Variants in AKAP6 observed in about 807,000 individuals in gnomAD.
AKAP6 encodes A-kinase anchor protein 6.
AKAP6 carries 58 observed loss-of-function variants against 188.5 expected under a neutral mutation model. That is an observed-to-expected ratio of 0.31 (90% CI 0.25 to 0.38). The LOEUF is 0.38. Among genes scored for constraint, AKAP6 ranks in the 10% least tolerant of loss-of-function variants. The pLI, the probability that AKAP6 is intolerant of heterozygous loss-of-function variation, is 1.00. For missense variants in AKAP6, 2,710 were observed against 2,740.0 expected, an observed-to-expected ratio of 0.99 and a Z score of 0.24; for synonymous variants, 989 against 998.6, an observed-to-expected ratio of 0.99 and a Z score of 0.18.
intron 1 of AKAP6, among the ~76,000 whole-genome samples, chr14:32,411,695 G>C (rs1258210713): frequency 1.3e-5 from 2 of 151,760 alleles, no homozygotes; most frequent in African/African-American, 4.8e-5. Flanking sequence ...CCCACTGCCA[G>C]TTTAGGATTT....
At chr14:32,400,790 G>C (rs1889064259) in intron 1 of AKAP6, among the ~76,000 whole-genome samples, 1 of 152,092 alleles carries the variant, frequency 6.6e-6, no homozygotes, top group Non-Finnish European at 1.5e-5. Flanking sequence ...AGATTGCTCT[G>C]CTGCTGTGCT....
chr14:32,563,188 T>G (rs1024354871), intron 4 of AKAP6, among the ~76,000 whole-genome samples: 1 of 152,180 alleles, frequency 6.6e-6, no homozygotes, highest in Admixed American at 6.5e-5. Context: ...GGGCATTCTT[T>G]GGTGCTGGAT....
At chr14:32,598,758 C>T (rs1885805207) in intron 5 of AKAP6, among the ~76,000 whole-genome samples, 1 of 152,114 alleles carries the variant, frequency 6.6e-6, no homozygotes, top group Admixed American at 6.6e-5. Context: ...TAGATTTCAA[C>T]TATGACAGCA....
At chr14:32,542,375 G>A (rs756383549) in intron 3 of AKAP6, among the ~76,000 whole-genome samples, 1 of 152,148 alleles carries the variant, frequency 6.6e-6, no homozygotes, top group African/African-American at 2.4e-5. Flanking sequence ...TATGTGCTAC[G>A]AGTACCCTGG....
intron 12 of AKAP6, among the ~76,000 whole-genome samples, chr14:32,806,141 A>C (rs1385211575): frequency 2.6e-5 from 4 of 152,236 alleles, no homozygotes; most frequent in Non-Finnish European, 5.9e-5. Flanking sequence ...AGTGCCTGCC[A>C]TATGCTCAGC....
intron 1 of AKAP6, among the ~76,000 whole-genome samples, chr14:32,337,341 T>C (rs1886736870): frequency 6.6e-6 from 1 of 152,150 alleles, no homozygotes; most frequent in Admixed American, 6.6e-5. Flanking sequence ...TCTTCAGGCT[T>C]GGCTAGTAGG....
At chr14:32,629,611 G>T (rs1887171466) in intron 7 of AKAP6, among the ~76,000 whole-genome samples, 1 of 151,528 alleles carries the variant, frequency 6.6e-6, no homozygotes. Context: ...CCTAAGCTTT[G>T]TTGCTAGTAA....
At chr14:32,815,792 C>G (rs947881471) in intron 12 of AKAP6, among the ~76,000 whole-genome samples, 1 of 152,174 alleles carries the variant, frequency 6.6e-6, no homozygotes, top group African/African-American at 2.4e-5. Context: ...ACCGGGCTCT[C>G]CCCTAGGACT....
chr14:32,709,555 G>A (rs1890955764), intron 9 of AKAP6, among the ~76,000 whole-genome samples: 1 of 152,032 alleles, frequency 6.6e-6, no homozygotes, highest in Admixed American at 6.6e-5. Flanking sequence ...TTTCAGTGGT[G>A]TTCCAGGACT....
rs773890811 is a variant in AKAP6 at position 32,546,059 on chromosome 14, A to G, written c.1406A>G (p.Asn469Ser). Residue 469 changes from asparagine (N) to serine (S), a missense_variant, in exon 4 of 14, where the codon AAC becomes AGC. Asn to Ser is a conservative substitution (Grantham distance 46, BLOSUM62 1). This residue lies in a region of AKAP6 where 2,473 missense variants were observed against 2,426.1 expected (regional missense o/e 1.02). Transcript: ENST00000280979. The part of the protein sequence containing the change: ...LHKVGNGNLE[N>S]TVKFHIKEIS... Reference sequence around the variant, plus strand: ...AAGGTGGGGAATGGGAACCTTGAAAACACAGTCAAATTTCACATTAAAGAA... The same window carrying G: ...AAGGTGGGGAATGGGAACCTTGAAAGCACAGTCAAATTTCACATTAAAGAA... The G allele has an allele frequency of 1.1e-5, 17 of 1,614,166 alleles. No homozygotes were observed. The East Asian group carries it at 1.8e-4, about 17-fold the overall frequency.
At chr14:32,419,440 C>T (rs1889764542) in intron 1 of AKAP6, among the ~76,000 whole-genome samples, 1 of 152,164 alleles carries the variant, frequency 6.6e-6, no homozygotes, top group African/African-American at 2.4e-5. Context: ...TATGAAAGAA[C>T]AGCAGTGTGA....
chr14:32,545,625 G>T lies in AKAP6; in HGVS notation c.972G>T (p.Gly324=). The T allele has an allele frequency of 6.2e-7, 1 of 1,614,116 alleles. No individual in the cohort carries two copies. The highest frequency in any genetic ancestry group is 8.5e-7 in the Non-Finnish European group (1 of 1,180,010). The change falls in exon 4 of 14, where the codon GGG becomes GGT. Residue 324 remains glycine (G), a synonymous_variant. Coordinates refer to ENST00000280979, the MANE Select transcript of AKAP6 (RefSeq NM_004274.5). ...AAGAGCAACCAGGCTTAACACTGGG[G>T]GTGTCATCATCTTCAGGAGAAGCTC... is the stretch of plus-strand genomic sequence containing the variant. ...AVEEQPGLTL[G]VSSSSGEALT...
intron 1 of AKAP6, among the ~76,000 whole-genome samples, chr14:32,367,724 G>A (rs967725923): frequency 3.3e-5 from 5 of 152,096 alleles, no homozygotes; most frequent in African/African-American, 1.2e-4. Context: ...TGTGGAATGG[G>A]GACAGGGATG....
At chr14:32,722,893 G>A (rs145749688) in intron 9 of AKAP6, among the ~76,000 whole-genome samples, 7 of 152,282 alleles carry the variant, frequency 4.6e-5, no homozygotes, top group East Asian at 1.9e-4. Context: ...CTGACTCTTC[G>A]CTAAGCTGTT....
intron 1 of AKAP6, among the ~76,000 whole-genome samples, chr14:32,373,783 G>A (rs1468981143): frequency 1.3e-5 from 2 of 152,282 alleles, no homozygotes; most frequent in Non-Finnish European, 2.9e-5. Context: ...TCATAATTTT[G>A]CAAAGGCGGT....
intron 2 of AKAP6, chr14:32,438,677 C>G (rs1375751776): frequency 6.6e-6 from 1 of 152,150 alleles, no homozygotes; most frequent in African/African-American, 2.4e-5. Flanking sequence ...TTCTTAGCTT[C>G]CAGATATTCT....
chr14:32,437,475 T>G (rs1383718297), intron 2 of AKAP6, among the ~76,000 whole-genome samples: 2 of 152,194 alleles, frequency 1.3e-5, no homozygotes, highest in Non-Finnish European at 2.9e-5. Flanking sequence ...GAAAAATGCT[T>G]AGGGTAGGCT....
intron 1 of AKAP6, among the ~76,000 whole-genome samples, chr14:32,378,942 G>A (rs927201154): frequency 1.6e-4 from 21 of 129,416 alleles, no homozygotes; most frequent in African/African-American, 5.6e-4. Flanking sequence ...TTTTGAGACC[G>A]AATTTCACTC....
At position 32,525,776 on chromosome 14, in the gene AKAP6, A is replaced by G. The variant is rs1594709729; in HGVS notation, c.325-9778A>G. ...CTTCACAAACATCCTTTGCATCTGT[A>G]TGGCGGTGTCCTAACAGTGTGGCAT... On this transcript the variant is annotated intron_variant, in intron 2 of 13. Coordinates refer to ENST00000280979, the MANE Select transcript of AKAP6 (RefSeq NM_004274.5). Among the ~76,000 whole-genome samples, 4 of 152,338 alleles carry G rather than the reference A, an allele frequency of 2.6e-5. No individual in the cohort carries two copies. In the East Asian group the frequency reaches 7.7e-4, roughly 29 times the overall value.
Sources: gnomAD v4.1 joint callset for allele counts (sites outside exome capture counted in the v4.1 genomes callset) on GRCh38, gnomAD v4.1.1 for gene constraint, gnomAD v4.1.1 regional missense constraint, MANE v1.5 for transcripts, NCBI Gene and HGNC (gene_info 2026-07-23, HGNC 2026-07-21) for gene names.